ALOX5: variants seen among roughly 807,000 people sequenced by gnomAD.
The protein encoded by ALOX5 is polyunsaturated fatty acid 5-lipoxygenase.
Under a neutral mutation model 87.9 loss-of-function variants are expected in ALOX5, and 64 were observed. That is an observed-to-expected ratio of 0.73 (90% CI 0.60 to 0.90). The LOEUF (loss-of-function observed/expected upper bound fraction) is 0.90. Among genes scored for constraint, ALOX5 ranks in the 40% least tolerant of loss-of-function variants. The pLI is 0.00. For synonymous variants in ALOX5, 388 were observed against 355.1 expected (o/e 1.09, Z -1.04); for missense variants, 822 against 907.5 (o/e 0.91, Z 1.21).
intron 2 of ALOX5, among the ~76,000 whole-genome samples, chr10:45,394,934 A>G (rs1260364769): frequency 2.0e-5 from 3 of 152,230 alleles, no homozygotes; most frequent in East Asian, 1.9e-4. Flanking sequence ...TACAATGGCA[A>G]TCATTAAAAA....
At chr10:45,384,690 T>C (rs1038611022) in intron 2 of ALOX5, among the ~76,000 whole-genome samples, 4 of 152,110 alleles carry the variant, frequency 2.6e-5, no homozygotes, top group African/African-American at 7.2e-5. Context: ...TCTTCAGGCT[T>C]GGGCCTGGAA....
At chr10:45,383,932 C>T (rs947841410) in intron 2 of ALOX5, among the ~76,000 whole-genome samples, 6 of 152,164 alleles carry the variant, frequency 3.9e-5, no homozygotes, top group Non-Finnish European at 7.3e-5. Context: ...CTGAAACTCC[C>T]TCCTGCACAT....
chr10:45,440,638 AG>A lies in ALOX5; in HGVS notation c.1185+6del. On this transcript the variant is annotated splice_donor_region_variant and intron_variant, in intron 8 of 13. Transcript: ENST00000374391. ...GCTGTGCACCCCATTTTCAAGGTAC[AG>A]CCAGCTACCGCCCCACCTGCTATGG... 6.2e-7 allele frequency: 1 copy of A among 1,613,826 alleles called. No individual in the cohort carries two copies. Among genetic ancestry groups the A allele is most frequent in the Non-Finnish European group, 8.5e-7 (1 of 1,179,876 alleles).
intron 3 of ALOX5, among the ~76,000 whole-genome samples, chr10:45,401,944 G>A (rs1013206291): frequency 1.1e-4 from 16 of 151,942 alleles, no homozygotes; most frequent in Non-Finnish European, 1.8e-4. Context: ...AAAATTAGCC[G>A]GGCGTGGTGG....
chr10:45,425,244 G>C lies in ALOX5; in HGVS notation c.834+112G>C. The C allele has an allele frequency of 7.5e-7, 1 of 1,330,356 alleles. No homozygotes were observed. Among genetic ancestry groups the C allele is most frequent in the Non-Finnish European group, 1.0e-6 (1 of 992,448 alleles). The allele number at this position is 1,330,356 out of a possible 1,614,324, so 82.4% of individuals were successfully genotyped here. On this transcript the variant is annotated intron_variant, in intron 6 of 13. Transcript: ENST00000374391. This position sits in a 1 kb window ranked among gnomAD's most constrained non-coding sequence, Gnocchi z 4.4. ...CAAGACGCTAACTGCAGGCCCATCT[G>C]GCCTACAGCAGCCGCTTCCTTTTCC...
intron 7 of ALOX5, among the ~76,000 whole-genome samples, chr10:45,435,812 G>A (rs564465984): frequency 1.3e-5 from 2 of 152,286 alleles, no homozygotes; most frequent in East Asian, 3.9e-4. Context: ...TGGGGTTGTT[G>A]GGTCAACTGG....
chr10:45,413,684 C>T (rs1218875498), intron 4 of ALOX5, among the ~76,000 whole-genome samples: 1 of 152,150 alleles, frequency 6.6e-6, no homozygotes, highest in Non-Finnish European at 1.5e-5. Flanking sequence ...GATTTTATAT[C>T]TAGAAAACCC....
At chr10:45,407,977 G>A (rs548142549) in intron 3 of ALOX5, among the ~76,000 whole-genome samples, 72 of 152,324 alleles carry the variant, frequency 4.7e-4, no homozygotes, top group African/African-American at 1.6e-3. Flanking sequence ...GGCTAAATGA[G>A]TTTGGGGTCC....
intron 2 of ALOX5, among the ~76,000 whole-genome samples, chr10:45,392,642 T>A (rs1840328676): frequency 6.6e-6 from 1 of 150,506 alleles, no homozygotes. Flanking sequence ...TGACCTTCCC[T>A]CCACTATTGT....
At chr10:45,390,787 G>A (rs1031567463) in intron 2 of ALOX5, among the ~76,000 whole-genome samples, 4 of 152,094 alleles carry the variant, frequency 2.6e-5, no homozygotes, top group Non-Finnish European at 5.9e-5. Flanking sequence ...AAGAACTAGA[G>A]AAGCAAGAGC....
At chr10:45,407,402 T>TC (rs34388842) in intron 3 of ALOX5, among the ~76,000 whole-genome samples, 6 of 141,230 alleles carry the variant, frequency 4.2e-5, no homozygotes, top group East Asian at 2.0e-4. Context: ...TTTTTTTTTT[T>TC]CCCCCCCACC....
At chr10:45,394,112 T>C (rs970754884) in intron 2 of ALOX5, among the ~76,000 whole-genome samples, 1 of 152,152 alleles carries the variant, frequency 6.6e-6, no homozygotes, top group Admixed American at 6.5e-5. Flanking sequence ...TACGTTAAAG[T>C]TCATATGGAA....
chr10:45,441,218 C>G, intron 8 of ALOX5, 126 bp from the exon 9 acceptor site: 11 of 766,046 alleles, frequency 1.4e-5, no homozygotes, highest in Non-Finnish European at 2.4e-5. Flanking sequence ...AGCACCCAGC[C>G]TTCACTTCCT....
chr10:45,391,019 ATCTCCCC>A (rs1564416310), intron 2 of ALOX5, among the ~76,000 whole-genome samples: 41 of 12,320 alleles, frequency 3.3e-3, no homozygotes, highest in Admixed American at 4.6e-3. Flanking sequence ...CTCCTCTCCC[ATCTCCCC>A]TCTCCCCTCT....
intron 2 of ALOX5, among the ~76,000 whole-genome samples, chr10:45,393,917 C>T (rs1435523354): frequency 6.6e-6 from 1 of 152,178 alleles, no homozygotes; most frequent in Admixed American, 6.5e-5. Flanking sequence ...AGGACCTCTT[C>T]AAGGAGAACT....
At chr10:45,389,760 C>A (rs996031391) in intron 2 of ALOX5, among the ~76,000 whole-genome samples, 1 of 152,236 alleles carries the variant, frequency 6.6e-6, no homozygotes, top group Non-Finnish European at 1.5e-5. Flanking sequence ...TAAAGACCAT[C>A]AATGCTAGGA....
intron 7 of ALOX5, among the ~76,000 whole-genome samples, chr10:45,429,562 G>A (rs1479753161): frequency 1.3e-5 from 2 of 152,194 alleles, no homozygotes; most frequent in African/African-American, 4.8e-5. Context: ...GAAAACTGCT[G>A]CATATTTCAA....
intron 4 of ALOX5, among the ~76,000 whole-genome samples, chr10:45,415,355 T>C (rs918334487): frequency 6.6e-6 from 1 of 152,140 alleles, no homozygotes; most frequent in Middle Eastern, 3.2e-3. Context: ...AAACACCGCA[T>C]GTTCTCACTC....
rs141076768 is a variant in ALOX5, at chr10:45,382,392, G to A, written c.151-91G>A. On this transcript the variant is annotated intron_variant, in intron 1 of 13. Coordinates refer to ENST00000374391, the MANE Select transcript of ALOX5 (RefSeq NM_000698.5). ...CATTCAACGTAGTCCCTGTGCCACA[G>A]CAGCATACCTTGGGGTGACAAATTC... 7.2e-5 allele frequency: 99 copies of A among 1,368,328 alleles called. No homozygotes were observed. In the African/African-American group the frequency reaches 1.2e-3, roughly 17 times the overall value. 84.8% of individuals were successfully genotyped at this position (1,368,328 alleles called of 1,614,324 possible). A position where few individuals can be genotyped will look rare whatever the true frequency, so the allele number is the denominator to read the frequency against.
Sources: gnomAD v4.1 joint callset for allele counts (sites outside exome capture counted in the v4.1 genomes callset) on GRCh38, gnomAD v4.1.1 for gene constraint, Gnocchi (gnomAD v3.1) non-coding constraint, MANE v1.5 for transcripts, NCBI Gene and HGNC (gene_info 2026-07-23, HGNC 2026-07-21) for gene names.